IGF1R: variants seen among roughly 807,000 people sequenced by gnomAD.
The protein encoded by IGF1R is insulin-like growth factor 1 receptor.
In IGF1R, 44 loss-of-function variants were observed where a neutral mutation model predicts 144.6. The ratio of observed to expected loss-of-function variants is 0.30; its 90% CI spans 0.24 to 0.39. The LOEUF (loss-of-function observed/expected upper bound fraction) is 0.39, where lower values mean the gene tolerates loss of function less well. Among genes scored for constraint, IGF1R ranks in the 10% least tolerant of loss-of-function variants. The probability of loss-of-function intolerance (pLI) is 1.00; values close to 1 mark genes in which losing one functional copy is unlikely to be tolerated. For synonymous variants in IGF1R, 795 were observed against 722.8 expected (o/e 1.10, Z -1.60); for missense variants, 1,355 against 1,833.7 (o/e 0.74, Z 4.77).
chr15:98,878,375 T>C (rs146345544), intron 2 of IGF1R, among the ~76,000 whole-genome samples: 126 of 152,320 alleles, frequency 8.3e-4, no homozygotes, highest in Middle Eastern at 3.4e-3. Flanking sequence ...GTTACAAATA[T>C]AGAATACTCT....
intron 2 of IGF1R, among the ~76,000 whole-genome samples, chr15:98,825,496 TC>T (rs1028868579): frequency 8.5e-5 from 13 of 152,180 alleles, no homozygotes; most frequent in Admixed American, 1.3e-4. Context: ...CTGCATGAGC[TC>T]CGCCTCCTGT....
intron 2 of IGF1R, among the ~76,000 whole-genome samples, chr15:98,744,558 C>T (rs2054819985): frequency 6.6e-6 from 1 of 151,864 alleles, no homozygotes; most frequent in African/African-American, 2.4e-5. Flanking sequence ...TCTTGTTTTC[C>T]CCAACAGAGA....
intron 5 of IGF1R, among the ~76,000 whole-genome samples, chr15:98,908,225 T>C (rs531871657): frequency 6.6e-6 from 1 of 152,332 alleles, no homozygotes; most frequent in South Asian, 2.1e-4. Flanking sequence ...CTGTCTCCTA[T>C]CCCATCATGC....
intron 2 of IGF1R, among the ~76,000 whole-genome samples, chr15:98,779,083 C>G (rs2055790398): frequency 6.6e-6 from 1 of 152,240 alleles, no homozygotes; most frequent in African/African-American, 2.4e-5. Context: ...TGAGAGCATT[C>G]AGTGCTGTGT....
chr15:98,662,261 G>T, intron 1 of IGF1R, among the ~76,000 whole-genome samples: 1 of 152,082 alleles, frequency 6.6e-6, no homozygotes, highest in East Asian at 1.9e-4. Context: ...GATTACAGAT[G>T]TGAGCCACTG....
intron 2 of IGF1R, among the ~76,000 whole-genome samples, chr15:98,822,028 A>G (rs948822189): frequency 1.3e-5 from 2 of 152,256 alleles, no homozygotes; most frequent in African/African-American, 4.8e-5. Flanking sequence ...TCTGTAAATG[A>G]TAAATAATAA....
At chr15:98,861,909 CAAAATA>C (rs1462999924) in intron 2 of IGF1R, among the ~76,000 whole-genome samples, 1 of 152,220 alleles carries the variant, frequency 6.6e-6, no homozygotes, top group African/African-American at 2.4e-5. Context: ...GCTGGGAACA[CAAAATA>C]AAAATGGTAG....
intron 1 of IGF1R, among the ~76,000 whole-genome samples, chr15:98,688,118 A>G (rs921304677): frequency 6.6e-6 from 1 of 152,152 alleles, no homozygotes; most frequent in Admixed American, 6.5e-5. Context: ...TGAAGGAAGG[A>G]CATGGTGGCT....
At chr15:98,691,962 G>T (rs557748919) in intron 1 of IGF1R, among the ~76,000 whole-genome samples, 1 of 152,302 alleles carries the variant, frequency 6.6e-6, no homozygotes, top group African/African-American at 2.4e-5. Context: ...GAGAGTGCCT[G>T]TTGCCCCATG....
intron 2 of IGF1R, among the ~76,000 whole-genome samples, chr15:98,833,606 G>A (rs935986077): frequency 6.6e-6 from 1 of 152,136 alleles, no homozygotes; most frequent in African/African-American, 2.4e-5. Flanking sequence ...ATAGGGAGAA[G>A]GTATAACCTT....
intron 20 of IGF1R, among the ~76,000 whole-genome samples, chr15:98,953,428 A>G (rs575843665): frequency 7.3e-4 from 111 of 152,214 alleles, no homozygotes; most frequent in South Asian, 4.6e-3. Context: ...GCCCGTCCTC[A>G]GCCTTATTTC....
chr15:98,658,341 C>T lies in IGF1R; in HGVS notation c.94+8666C>T, dbSNP rs138431753. Reference sequence around the variant, plus strand: ...CATAGCTTTAGTTTCTCCTTAGCTGCCAATTAGTTCTTTGGTCCTAAAGTT... The same window carrying T: ...CATAGCTTTAGTTTCTCCTTAGCTGTCAATTAGTTCTTTGGTCCTAAAGTT... On this transcript the variant is annotated intron_variant, in intron 1 of 20. Coordinates refer to ENST00000650285, the MANE Select transcript of IGF1R (RefSeq NM_000875.5). Among the ~76,000 whole-genome samples, 12 of 152,262 alleles carry T rather than the reference C, an allele frequency of 7.9e-5. No individual in the cohort carries two copies. The East Asian group carries it at 2.3e-3, about 29-fold the overall frequency.
At chr15:98,684,405 G>A (rs1383411106) in intron 1 of IGF1R, among the ~76,000 whole-genome samples, 7 of 151,206 alleles carry the variant, frequency 4.6e-5, no homozygotes, top group Admixed American at 1.3e-4. Flanking sequence ...TGCTAATGGG[G>A]GAGGTGGGGG....
At position 98,752,932 on chromosome 15, in the gene IGF1R, A is replaced by ATTTT. The variant is rs775327338; in HGVS notation, c.640+44843_640+44846dup. 2.0e-3 allele frequency among the ~76,000 whole-genome samples: 143 copies of ATTTT among 70,038 alleles called. 2 individuals carry two copies. Among genetic ancestry groups the ATTTT allele is most frequent in the East Asian group, 2.8e-3 (7 of 2,514 alleles). The allele number at this position is 70,038 out of a possible 152,430, so 45.9% of individuals were successfully genotyped here. A position where few individuals can be genotyped will look rare whatever the true frequency, so the allele number is the denominator to read the frequency against. ...ATGTTTAGGGCTGGAAAATCATACT[A>ATTTT]TTTTTTTTTTTTTTTTTTTTTGAGA... On this transcript the variant is annotated intron_variant, in intron 2 of 20. Coordinates refer to ENST00000650285, the MANE Select transcript of IGF1R (RefSeq NM_000875.5).
chr15:98,700,947 C>T (rs2053716351), intron 1 of IGF1R, among the ~76,000 whole-genome samples: 1 of 151,962 alleles, frequency 6.6e-6, no homozygotes, highest in African/African-American at 2.4e-5. Flanking sequence ...TTGCCACTTG[C>T]TAGAGAGATG....
chr15:98,891,205 T>C lies in IGF1R; in HGVS notation c.641-120T>C, dbSNP rs1596402314. 1.1e-6 allele frequency: 1 copy of C among 902,938 alleles called. No homozygotes were observed. Among genetic ancestry groups the C allele is most frequent in the Non-Finnish European group, 1.8e-6 (1 of 568,904 alleles). 55.9% of individuals were successfully genotyped at this position (902,938 alleles called of 1,614,324 possible). ...CGTAGTGTGTTTTTGCATTGTCTCC[T>C]CAATGAGTGATCTGGTGCTGGTGGT... On this transcript the variant is annotated intron_variant, in intron 2 of 20. Coordinates refer to ENST00000650285, the MANE Select transcript of IGF1R (RefSeq NM_000875.5). The surrounding 1 kb of genome is among the most constrained non-coding windows in gnomAD (Gnocchi z 4.7).
intron 2 of IGF1R, among the ~76,000 whole-genome samples, chr15:98,799,089 G>C (rs765382589): frequency 2.0e-5 from 3 of 152,094 alleles, no homozygotes; most frequent in Non-Finnish European, 4.4e-5. Flanking sequence ...CCCTACCCCA[G>C]GATTTAAGAT....
At chr15:98,698,893 T>C (rs1424359247) in intron 1 of IGF1R, among the ~76,000 whole-genome samples, 1 of 152,156 alleles carries the variant, frequency 6.6e-6, no homozygotes, top group East Asian at 1.9e-4. Context: ...AACTGGCTAA[T>C]TGAAAAGAGT....
At chr15:98,739,620 A>AT (rs1273328956) in intron 2 of IGF1R, among the ~76,000 whole-genome samples, 13 of 28,236 alleles carry the variant, frequency 4.6e-4, no homozygotes, top group Middle Eastern at 0.024. Flanking sequence ...AAGAAAAAAA[A>AT]ATTTTTTTGA....
Sources: gnomAD v4.1 joint callset for allele counts (sites outside exome capture counted in the v4.1 genomes callset) on GRCh38, gnomAD v4.1.1 for gene constraint, Gnocchi (gnomAD v3.1) non-coding constraint, MANE v1.5 for transcripts, NCBI Gene and HGNC (gene_info 2026-07-23, HGNC 2026-07-21) for gene names.